ZNF280D: variants seen among roughly 807,000 people sequenced by gnomAD.
ZNF280D encodes the protein suppressor of hairy wing homolog 4.
ZNF280D carries 39 observed loss-of-function variants against 94.7 expected under a neutral mutation model. That is an observed-to-expected ratio of 0.41 (90% CI 0.32 to 0.54). The LOEUF is 0.54. ZNF280D is among the 20% of genes least tolerant of loss of function. ZNF280D has a pLI of 0.22. For synonymous variants in ZNF280D, 398 were observed against 377.6 expected (o/e 1.05, Z -0.63); for missense variants, 1,090 against 1,149.3 (o/e 0.95, Z 0.75).
intron 17 of ZNF280D, among the ~76,000 whole-genome samples, chr15:56,657,530 G>A (rs1400073780): frequency 6.6e-6 from 1 of 152,090 alleles, no homozygotes; most frequent in Non-Finnish European, 1.5e-5. Context: ...AATAAATTCA[G>A]CAAGAGAACA....
In ZNF280D at chr15:56,631,705, G is replaced by C. The variant is rs1336315800; in HGVS notation, c.2733C>G (p.Ser911Arg). 2 of 1,613,944 alleles carry C rather than the reference G, an allele frequency of 1.2e-6. No homozygotes were observed. Among genetic ancestry groups the C allele is most frequent in the Non-Finnish European group, 8.5e-7 (1 of 1,180,008 alleles). ...HEPESVSSDVSEQGSIHLEPL... is the reference protein window; with the variant it reads ...HEPESVSSDVREQGSIHLEPL... ...GTTCCAAATGAATACTGCCTTGCTC[G>C]CTAACATCAGAACTAACAGATTCAG... Residue 911 changes from serine to arginine, a missense_variant, in exon 22 of 22, where the codon AGC (serine) becomes AGG (arginine). Physicochemically the swap from Ser to Arg is moderately radical, Grantham distance 110. Coordinates refer to ENST00000267807, the MANE Select transcript of ZNF280D (RefSeq NM_017661.4).
At chr15:56,647,350 T>G (rs1411374399) in intron 19 of ZNF280D, among the ~76,000 whole-genome samples, 4 of 152,058 alleles carry the variant, frequency 2.6e-5, no homozygotes, top group Admixed American at 2.6e-4. Flanking sequence ...CCCTGGCTGG[T>G]AAGAGATTAT....
At position 56,733,509 on chromosome 15, in the gene ZNF280D, G is replaced by A. The variant is rs1039172131; in HGVS notation, c.-137C>T. The A allele has an allele frequency of 8.7e-7, 1 of 1,151,446 alleles. No homozygotes were observed. The allele number at this position is 1,151,446 out of a possible 1,614,324, so 71.3% of individuals were successfully genotyped here. On this transcript the variant is annotated 5_prime_UTR_variant, in exon 1 of 22. Transcript: ENST00000267807. Reference sequence around the variant, plus strand: ...GGAGCCCTGAGGAGGAGGAGAAAGAGGAGGAGGAAAAGGAGGAGCACGAAA... The same window carrying A: ...GGAGCCCTGAGGAGGAGGAGAAAGAAGAGGAGGAAAAGGAGGAGCACGAAA...
At position 56,693,179 on chromosome 15, in the gene ZNF280D, T is replaced by C; in HGVS notation, c.418A>G (p.Lys140Glu). ...ITNSSRVVSNKSSELLFDLTQ... is the reference protein window; with the variant it reads ...ITNSSRVVSNESSELLFDLTQ... ...AAGTCAAACAGTAACTCTGATGACT[T>C]ATTAGACACAACTCGTGATGAGTTT... Residue 140 changes from lysine to glutamate, a missense_variant, in exon 7 of 22, where the codon AAG becomes GAG. Lys to Glu is a moderately conservative substitution (Grantham distance 56, BLOSUM62 1). Coordinates refer to ENST00000267807, the MANE Select transcript of ZNF280D (RefSeq NM_017661.4). 1 of 1,598,956 alleles carries C rather than the reference T, an allele frequency of 6.3e-7. No individual in the cohort carries two copies. The highest frequency in any genetic ancestry group is 8.5e-7 in the Non-Finnish European group (1 of 1,173,462).
intron 1 of ZNF280D, among the ~76,000 whole-genome samples, chr15:56,712,487 G>A (rs1379077037): frequency 6.7e-6 from 1 of 149,666 alleles, no homozygotes; most frequent in Non-Finnish European, 1.5e-5. Flanking sequence ...AAATTACTGG[G>A]AGTGGTGGCA....
At chr15:56,683,130 T>C (rs536589237) in intron 9 of ZNF280D, among the ~76,000 whole-genome samples, 1 of 152,100 alleles carries the variant, frequency 6.6e-6, no homozygotes, top group Non-Finnish European at 1.5e-5. Context: ...AAAAGTAGGA[T>C]AGGATCAGAT....
chr15:56,654,399 A>T lies in ZNF280D; in HGVS notation c.2162T>A (p.Val721Asp). Residue 721 changes from valine (V) to aspartate (D), a missense_variant, in exon 18 of 22, where the codon GTT becomes GAT. Physicochemically the swap from Val to Asp is radical, Grantham distance 152 (BLOSUM62 -3). This residue lies in a region of ZNF280D where 577 missense variants were observed against 568.8 expected (regional missense o/e 1.01). Coordinates refer to ENST00000267807, the MANE Select transcript of ZNF280D (RefSeq NM_017661.4). Reference protein sequence around the residue: ...LSQHKTHTCQVVMQKVSVCIP... With the variant: ...LSQHKTHTCQDVMQKVSVCIP... Reference sequence around the variant, plus strand: ...CATATACGTACCTTTCTGCATTACAACTTGGCAAGTATGAGTTTTATGTTG... The same window carrying T: ...CATATACGTACCTTTCTGCATTACATCTTGGCAAGTATGAGTTTTATGTTG... 6.2e-7 allele frequency: 1 copy of T among 1,605,788 alleles called. No individual in the cohort carries two copies. The highest frequency in any genetic ancestry group is 8.5e-7 in the Non-Finnish European group (1 of 1,177,984).
At chr15:56,676,889 G>A (rs1804111876) in intron 12 of ZNF280D, 73 bp from the exon 13 acceptor site, 1 of 1,175,764 alleles carries the variant, frequency 8.5e-7, no homozygotes. Context: ...GAACAATGAT[G>A]GATAATTTGT....
rs1665146246 is a variant in ZNF280D at position 56,640,924 on chromosome 15, T to G, written c.2259+2028A>C. Among the ~76,000 whole-genome samples the G allele has an allele frequency of 4.6e-5, 7 of 152,266 alleles. No individual in the cohort carries two copies. The South Asian group carries it at 1.4e-3, about 32-fold the overall frequency. ...AATTTAAATCGTCAGAATATTTAAG[T>G]GCAAACTTAGTGGCTCGTCTTTGTA... On this transcript the variant is annotated intron_variant, in intron 20 of 21. Transcript: ENST00000267807.
At chr15:56,669,626 ACAT>A (rs1368345969) in intron 13 of ZNF280D, among the ~76,000 whole-genome samples, 30 of 149,998 alleles carry the variant, frequency 2.0e-4, no homozygotes, top group Admixed American at 9.5e-4. Context: ...AGTAGCTACT[ACAT>A]CAGACAATGT....
At chr15:56,649,326 A>G (rs1396083121) in intron 19 of ZNF280D, among the ~76,000 whole-genome samples, 1 of 152,164 alleles carries the variant, frequency 6.6e-6, no homozygotes, top group African/African-American at 2.4e-5. Context: ...AGACTACACT[A>G]AAGTTTCATT....
chr15:56,693,907 G>A (rs1249386805), intron 6 of ZNF280D, among the ~76,000 whole-genome samples: 1 of 152,108 alleles, frequency 6.6e-6, no homozygotes, highest in African/African-American at 2.4e-5. Context: ...AGAAAGCCAC[G>A]CTAGGCCAGG....
At position 56,666,527 on chromosome 15, in the gene ZNF280D, C is replaced by T. The variant is rs1218604698; in HGVS notation, c.1862G>A (p.Arg621Gln). ...NTALRNLRYRRGIHKCIECCS... is the reference protein window; with the variant it reads ...NTALRNLRYRQGIHKCIECCS... ...ACACTCAATGCATTTGTGAATGCCCCGACGATACCTTAGGGAGACATTAAA... is the reference window on the plus strand; with the variant it reads ...ACACTCAATGCATTTGTGAATGCCCTGACGATACCTTAGGGAGACATTAAA... Residue 621 changes from arginine (R) to glutamine (Q), a missense_variant, in exon 16 of 22, where the codon CGG (arginine) becomes CAG (glutamine). Physicochemically the swap from Arg to Gln is conservative, Grantham distance 43. Around this residue, in one of 3 missense-constraint regions of ZNF280D, gnomAD observed 577 missense variants for 568.8 expected, o/e 1.01. Transcript: ENST00000267807. The T allele has an allele frequency of 3.8e-6, 6 of 1,587,342 alleles. No homozygotes were observed. The highest frequency in any genetic ancestry group is 5.1e-6 in the Non-Finnish European group (6 of 1,173,018).
chr15:56,722,428 A>G (rs1426181924), intron 1 of ZNF280D, among the ~76,000 whole-genome samples: 1 of 152,226 alleles, frequency 6.6e-6, no homozygotes, highest in African/African-American at 2.4e-5. Flanking sequence ...AGGTATGACT[A>G]TATTTCCAAA....
intron 19 of ZNF280D, chr15:56,653,516 C>A: frequency 6.6e-7 from 1 of 1,519,332 alleles, no homozygotes; most frequent in Admixed American, 2.1e-5. Context: ...AAAGAGAGAA[C>A]AGGCATCAGT....
chr15:56,651,138 A>G (rs779550690), intron 19 of ZNF280D, among the ~76,000 whole-genome samples: 37 of 152,230 alleles, frequency 2.4e-4, no homozygotes, highest in Non-Finnish European at 4.1e-4. Context: ...CTCAATAAAT[A>G]TTCGCTGAAT....
chr15:56,652,626 GT>G (rs1242796547), intron 19 of ZNF280D: 1 of 984,830 alleles, frequency 1.0e-6, no homozygotes, highest in Non-Finnish European at 1.2e-6. Flanking sequence ...CCATATGTAT[GT>G]TTTTTAACAT....
intron 20 of ZNF280D, among the ~76,000 whole-genome samples, chr15:56,637,007 A>G (rs2052387892): frequency 2.0e-5 from 3 of 152,104 alleles, no homozygotes; most frequent in Admixed American, 1.3e-4. Context: ...GAGAAAACAA[A>G]GTTTTAGTAA....
chr15:56,635,113 C>A, intron 21 of ZNF280D, 82 bp downstream of exon 21: 2 of 786,094 alleles, frequency 2.5e-6, no homozygotes, highest in Non-Finnish European at 4.0e-6. Context: ...TAGTCCTTTG[C>A]CAGTTAACTG....
Sources: allele counts gnomAD v4.1 joint callset (sites outside exome capture counted in the v4.1 genomes callset), GRCh38; gene constraint gnomAD v4.1.1; regional missense constraint gnomAD v4.1.1; transcripts MANE v1.5; gene names NCBI Gene and HGNC (gene_info 2026-07-23, HGNC 2026-07-21).